SLC15A5: variants seen among roughly 807,000 people sequenced by gnomAD.
SLC15A5 encodes Peptide/histidine transporter ENSP00000340402.
In SLC15A5, 58 loss-of-function variants were observed where a neutral mutation model predicts 56.1. That is an observed-to-expected ratio of 1.03 (90% CI 0.84 to 1.29). The LOEUF (loss-of-function observed/expected upper bound fraction) is 1.29. Among genes scored for constraint, SLC15A5 ranks in the 50% most tolerant of loss-of-function variants. The probability of loss-of-function intolerance (pLI) is 0.00; values close to 1 mark genes in which losing one functional copy is unlikely to be tolerated. For synonymous variants in SLC15A5, 264 were observed against 250.5 expected, an observed-to-expected ratio of 1.05 and a Z score of -0.51; for missense variants, 681 against 672.1, an observed-to-expected ratio of 1.01 and a Z score of -0.15.
intron 2 of SLC15A5, among the ~76,000 whole-genome samples, chr12:16,265,361 G>A (rs1457860047): frequency 3.9e-5 from 6 of 152,208 alleles, no homozygotes; most frequent in African/African-American, 1.2e-4. Context: ...ACCTACTCAT[G>A]TTTGTCTCCT....
chr12:16,203,894 T>G (rs984990927), intron 7 of SLC15A5, among the ~76,000 whole-genome samples: 2 of 152,110 alleles, frequency 1.3e-5, no homozygotes, highest in African/African-American at 4.8e-5. Context: ...AGTAATAATC[T>G]CCCTGTATAA....
chr12:16,193,934 A>G (rs1863869134), intron 8 of SLC15A5, among the ~76,000 whole-genome samples: 1 of 144,766 alleles, frequency 6.9e-6, no homozygotes, highest in South Asian at 2.2e-4. Context: ...GTTTTTTTTA[A>G]ATTGACCTTG....
Position 16,263,918 on chromosome 12 carries a change from A to C in SLC15A5, c.585-6048T>G, listed in dbSNP as rs144024769. Among the ~76,000 whole-genome samples, 219 of 152,372 alleles carry C rather than the reference A, an allele frequency of 1.4e-3. 3 individuals are homozygous for C. In the East Asian group the frequency reaches 0.035, roughly 24 times the overall value. On this transcript the variant is annotated intron_variant, in intron 2 of 8. Transcript: ENST00000344941. ...TATGGAAACACCTGGATGTCCAGGCAGAAGTTTGCTGCAGGGGCAGAGCCC... is the reference window on the plus strand; with the variant it reads ...TATGGAAACACCTGGATGTCCAGGCCGAAGTTTGCTGCAGGGGCAGAGCCC...
intron 7 of SLC15A5, among the ~76,000 whole-genome samples, chr12:16,206,214 G>A (rs1160533034): frequency 3.9e-5 from 6 of 152,244 alleles, no homozygotes; most frequent in African/African-American, 1.4e-4. Context: ...TTTGGACAAC[G>A]TATGCAACTC....
intron 5 of SLC15A5, among the ~76,000 whole-genome samples, chr12:16,232,984 G>A (rs1364829325): frequency 1.3e-5 from 2 of 151,058 alleles, no homozygotes; most frequent in African/African-American, 4.9e-5. Context: ...AAGAAAGAGA[G>A]GGAGGGAGGG....
chr12:16,193,356 G>A (rs992645810), intron 8 of SLC15A5, among the ~76,000 whole-genome samples: 3 of 152,046 alleles, frequency 2.0e-5, no homozygotes, highest in African/African-American at 7.2e-5. Context: ...TGCCTTGCAT[G>A]AGGTTTGATT....
chr12:16,248,272 A>G (rs371296475), intron 3 of SLC15A5, among the ~76,000 whole-genome samples: 68 of 152,264 alleles, frequency 4.5e-4, no homozygotes, highest in African/African-American at 1.5e-3. Flanking sequence ...AGAGGTCAAT[A>G]TAACATTGAG....
chr12:16,189,842 CT>C, intron 8 of SLC15A5, 27 bp from the exon 9 acceptor site: 1 of 1,439,070 alleles, frequency 6.9e-7, no homozygotes, highest in Non-Finnish European at 9.1e-7. Context: ...GAAAGCTTTT[CT>C]TAGGACCAGA....
At chr12:16,215,344 AGT>A (rs1432778698) in intron 7 of SLC15A5, among the ~76,000 whole-genome samples, 2 of 152,090 alleles carry the variant, frequency 1.3e-5, no homozygotes, top group Non-Finnish European at 2.9e-5. Context: ...ATAAACTGGT[AGT>A]AATATTTGAC....
intron 7 of SLC15A5, among the ~76,000 whole-genome samples, chr12:16,206,440 A>G (rs1250356286): frequency 6.6e-6 from 1 of 152,206 alleles, no homozygotes; most frequent in Non-Finnish European, 1.5e-5. Context: ...ACCTGAGTTA[A>G]TTTTTAAAAC....
At chr12:16,221,426 A>G (rs1322755411) in intron 6 of SLC15A5, among the ~76,000 whole-genome samples, 1 of 152,164 alleles carries the variant, frequency 6.6e-6, no homozygotes, top group Non-Finnish European at 1.5e-5. Flanking sequence ...TCATTTGAAA[A>G]CAGAGGAAAG....
At position 16,196,176 on chromosome 12, in the gene SLC15A5, A is replaced by G. The variant is rs535602700; in HGVS notation, c.1484-1723T>C. 6.6e-6 allele frequency among the ~76,000 whole-genome samples: 1 copy of G among 152,102 alleles called. No homozygotes were observed. Among genetic ancestry groups the G allele is most frequent in the African/African-American group, 2.4e-5 (1 of 41,452 alleles). On this transcript the variant is annotated intron_variant, in intron 7 of 8. Transcript: ENST00000344941. This position sits in a 1 kb window ranked among gnomAD's most constrained non-coding sequence, Gnocchi z 4.0. ...AAAATAGGTATTATGATAGGTATAA[A>G]TAAGTATTACTATACCTATTTTGTG...
At chr12:16,226,850 C>T (rs1295633347) in intron 5 of SLC15A5, among the ~76,000 whole-genome samples, 1 of 151,718 alleles carries the variant, frequency 6.6e-6, no homozygotes, top group African/African-American at 2.4e-5. Context: ...TTAATCCTTT[C>T]GTTAGAGTGG....
intron 3 of SLC15A5, among the ~76,000 whole-genome samples, chr12:16,249,418 TG>T (rs1864498462): frequency 6.6e-6 from 1 of 152,084 alleles, no homozygotes; most frequent in Non-Finnish European, 1.5e-5. Context: ...TCATCATAGT[TG>T]GGTGAGCTTA....
At chr12:16,201,234 A>C (rs990469276) in intron 7 of SLC15A5, among the ~76,000 whole-genome samples, 1 of 152,174 alleles carries the variant, frequency 6.6e-6, no homozygotes, top group Non-Finnish European at 1.5e-5. Context: ...ACAGAAATAG[A>C]AAAAGCAATC....
Position 16,234,077 on chromosome 12 carries a change from C to T in SLC15A5, c.1162+5604G>A, listed in dbSNP as rs150224544. On this transcript the variant is annotated intron_variant, in intron 5 of 8. Transcript: ENST00000344941. The stretch of plus-strand genomic sequence containing the variant: ...TCACAGTTCTAAAAGCTGGAAAATT[C>T]AAGGACAAGGTGCTGGTAGGGTTGG... Among the ~76,000 whole-genome samples, 61 of 152,272 alleles carry T rather than the reference C, an allele frequency of 4.0e-4. 1 individual carries two copies. Among genetic ancestry groups the T allele is most frequent in the Admixed American group, 3.7e-3 (56 of 15,294 alleles).
intron 7 of SLC15A5, among the ~76,000 whole-genome samples, chr12:16,212,144 CA>C (rs1051254622): frequency 1.3e-5 from 2 of 152,052 alleles, no homozygotes; most frequent in Non-Finnish European, 2.9e-5. Flanking sequence ...TCACTTCTGT[CA>C]AAAAAATTTG....
intron 3 of SLC15A5, among the ~76,000 whole-genome samples, chr12:16,255,146 C>G (rs1864557581): frequency 6.6e-6 from 1 of 151,832 alleles, no homozygotes; most frequent in Non-Finnish European, 1.5e-5. Flanking sequence ...ATAAATAGTC[C>G]TGATAGCTGA....
Position 16,189,563 on chromosome 12 carries a change from C to T in SLC15A5, c.*105G>A. The T allele has an allele frequency of 1.1e-6, 1 of 921,842 alleles. No homozygotes were observed. The highest frequency in any genetic ancestry group is 1.4e-6 in the Non-Finnish European group (1 of 695,978). The allele number at this position is 921,842 out of a possible 1,614,324, so 57.1% of individuals were successfully genotyped here. On this transcript the variant is annotated 3_prime_UTR_variant, in exon 9 of 9. Transcript: ENST00000344941. ...AGTATACAGATGATATTTGTAAAAT[C>T]ACCTCTGTATATATTGGCTTTTACA... is the stretch of plus-strand genomic sequence containing the variant.
Sources: allele counts gnomAD v4.1 joint callset (sites outside exome capture counted in the v4.1 genomes callset), GRCh38; gene constraint gnomAD v4.1.1; non-coding constraint Gnocchi (gnomAD v3.1); transcripts MANE v1.5; gene names NCBI Gene and HGNC (gene_info 2026-07-23, HGNC 2026-07-21).